The following HEPH variants were observed in gnomAD, a reference collection of about 807,000 sequenced individuals.
The protein encoded by HEPH is hephaestin.
Under a neutral mutation model 80.8 loss-of-function variants are expected in HEPH, and 69 were observed. That is an observed-to-expected ratio of 0.85 (90% CI 0.70 to 1.04). HEPH has a LOEUF of 1.04. HEPH is among the 50% of genes least tolerant of loss of function. The pLI is 0.00. For synonymous variants in HEPH, 431 were observed against 322.8 expected, an observed-to-expected ratio of 1.34 and a Z score of -3.60; for missense variants, 1,115 against 891.3, an observed-to-expected ratio of 1.25 and a Z score of -3.20.
intron 19 of HEPH, among the ~76,000 whole-genome samples, 171 bp downstream of exon 19, chrX:66,260,433 C>A (rs2091323864): frequency 9.0e-6 from 1 of 111,185 alleles, no homozygotes; most frequent in South Asian, 3.8e-4. Flanking sequence ...ATTTCTAATC[C>A]TCCATTGCAC....
At chrX:66,165,659 G>A (rs1442912562) in intron 1 of HEPH, among the ~76,000 whole-genome samples, 1 of 111,493 alleles carries the variant, frequency 9.0e-6, no homozygotes, top group Non-Finnish European at 1.9e-5. Flanking sequence ...GTAAGGTAAA[G>A]GTAAGGGAGG....
chrX:66,209,500 G>C (rs1248860251), intron 15 of HEPH, among the ~76,000 whole-genome samples: 1 of 111,982 alleles, frequency 8.9e-6, no homozygotes, highest in Non-Finnish European at 1.9e-5. Flanking sequence ...GGACATATGG[G>C]TGAAGGTAAA....
At chrX:66,254,964 C>A in intron 15 of HEPH, 71 bp from the exon 16 acceptor site, 5 of 641,046 alleles carry the variant, frequency 7.8e-6, no homozygotes, top group Non-Finnish European at 1.2e-5. Flanking sequence ...ACCACTGCCT[C>A]TTGGGGAGAC....
intron 15 of HEPH, among the ~76,000 whole-genome samples, chrX:66,240,441 G>A (rs2090524922): frequency 9.1e-6 from 1 of 109,525 alleles, no homozygotes; most frequent in Non-Finnish European, 1.9e-5. Flanking sequence ...AAATAAAATG[G>A]CTGATAATTT....
At chrX:66,231,708 T>G in intron 15 of HEPH, among the ~76,000 whole-genome samples, 1 of 109,354 alleles carries the variant, frequency 9.1e-6, no homozygotes, top group Non-Finnish European at 1.9e-5. Context: ...AGATATACAA[T>G]CATGTCTTCT....
intron 17 of HEPH, 30 bp from the exon 18 acceptor site, chrX:66,258,810 C>A: frequency 9.2e-7 from 1 of 1,092,058 alleles, no homozygotes; most frequent in Non-Finnish European, 1.2e-6. Context: ...TTTTTCTTTT[C>A]TTTTCTTTTC....
chrX:66,227,488 CTGTT>C (rs1425705145), intron 15 of HEPH, among the ~76,000 whole-genome samples: 2 of 111,598 alleles, frequency 1.8e-5, no homozygotes, highest in Non-Finnish European at 3.8e-5. Flanking sequence ...CAAACTGTCA[CTGTT>C]TGCTGATGAC....
rs183738734 is a variant in HEPH, at chrX:66,167,998, G to A, written c.-13-2560G>A. The stretch of plus-strand genomic sequence containing the variant: ...TCTACTTGGCCTCCATCGCCATGTC[G>A]TAATAGATACACAGCGACCTCTAAA... On this transcript the variant is annotated intron_variant, in intron 1 of 20. Coordinates refer to ENST00000343002, the MANE Select transcript of HEPH (RefSeq NM_001367233.3). 2.0e-3 allele frequency among the ~76,000 whole-genome samples: 228 copies of A among 111,866 alleles called. 1 individual carries two copies. The highest frequency in any genetic ancestry group is 6.8e-3 in the African/African-American group (210 of 30,788).
rs184481739 is a variant in HEPH at position 66,180,516 on chromosome X, G to A, written c.625+6715G>A. 6.9e-3 allele frequency among the ~76,000 whole-genome samples: 753 copies of A among 109,565 alleles called. 6 individuals are homozygous for A. The highest frequency in any genetic ancestry group is 0.014 in the Middle Eastern group (3 of 209). On this transcript the variant is annotated intron_variant, in intron 4 of 20. Coordinates refer to ENST00000343002, the MANE Select transcript of HEPH (RefSeq NM_001367233.3). Reference sequence around the variant, plus strand: ...GGTTTTCCTTTATAGGTGACCTGGTGTTTTTGTCTCACAGCTCTTAAGATT... The same window carrying A: ...GGTTTTCCTTTATAGGTGACCTGGTATTTTTGTCTCACAGCTCTTAAGATT...
intron 15 of HEPH, among the ~76,000 whole-genome samples, chrX:66,225,998 G>T (rs1364377048): frequency 8.9e-6 from 1 of 111,819 alleles, no homozygotes; most frequent in Non-Finnish European, 1.9e-5. Context: ...CTTTAAGGGG[G>T]TCTGTGTGAG....
chrX:66,164,485 C>A lies in HEPH; in HGVS notation c.-14+15C>A. On this transcript the variant is annotated intron_variant, in intron 1 of 20. Transcript: ENST00000343002. ...CTCTAGCAAAGGTAAGCTTTCTTTT[C>A]TCTCTTTTCAAACTCTACCTCACCT... 2 of 752,919 alleles carry A rather than the reference C, an allele frequency of 2.7e-6. No individual in the cohort carries two copies. The highest frequency in any genetic ancestry group is 3.1e-6 in the Non-Finnish European group (2 of 638,139). 62.0% of individuals were successfully genotyped at this position (752,919 alleles called of 1,213,427 possible).
intron 15 of HEPH, among the ~76,000 whole-genome samples, chrX:66,208,550 TGG>T (rs2088922110): frequency 1.0e-5 from 1 of 98,404 alleles, no homozygotes; most frequent in Non-Finnish European, 2.0e-5. Context: ...ACCCAGGAGG[TGG>T]AGGCTGCAGT....
chrX:66,216,765 G>T (rs1410632929), intron 15 of HEPH, among the ~76,000 whole-genome samples: 3 of 111,876 alleles, frequency 2.7e-5, no homozygotes, highest in Non-Finnish European at 5.6e-5. Flanking sequence ...AGACTATTAA[G>T]CTAATCAAGG....
At position 66,164,298 on chromosome X, in the gene HEPH, C is replaced by G; in HGVS notation, c.-186C>G. 1 of 753,224 alleles carries G rather than the reference C, an allele frequency of 1.3e-6. No homozygotes were observed. The highest frequency in any genetic ancestry group is 1.6e-6 in the Non-Finnish European group (1 of 638,435). The allele number at this position is 753,224 out of a possible 1,213,427, so 62.1% of individuals were successfully genotyped here. A position where few individuals can be genotyped will look rare whatever the true frequency, so the allele number is the denominator to read the frequency against. On this transcript the variant is annotated 5_prime_UTR_variant, in exon 1 of 21. Coordinates refer to ENST00000343002, the MANE Select transcript of HEPH (RefSeq NM_001367233.3). ...GAGGGCACCCAGCCCTTCCCCCTCC[C>G]TCATCCTCCCATCCCAGTAAACCCT...
chrX:66,232,866 A>G (rs768354822), intron 15 of HEPH, among the ~76,000 whole-genome samples: 100 of 110,603 alleles, frequency 9.0e-4, no homozygotes, highest in African/African-American at 3.2e-3. Context: ...GAAAAATTAT[A>G]CCCTTTGAAA....
chrX:66,179,429 G>A (rs1048884121), intron 4 of HEPH, among the ~76,000 whole-genome samples: 2 of 111,721 alleles, frequency 1.8e-5, no homozygotes, highest in African/African-American at 6.5e-5. Context: ...GGCAATGCGG[G>A]CTCTTTTTTG....
intron 4 of HEPH, among the ~76,000 whole-genome samples, chrX:66,184,436 G>T (rs2087319748): frequency 2.6e-4 from 1 of 3,841 alleles, no homozygotes. Flanking sequence ...TTGTTGAATT[G>T]ATCCCTTTAC....
At chrX:66,198,575 G>C (rs761522697) in intron 10 of HEPH, among the ~76,000 whole-genome samples, 2 of 110,016 alleles carry the variant, frequency 1.8e-5, no homozygotes, top group Non-Finnish European at 3.8e-5. Flanking sequence ...CCTCTCCCCA[G>C]GTGATTACCA....
chrX:66,244,603 C>T (rs898212146), intron 15 of HEPH, among the ~76,000 whole-genome samples: 6 of 111,440 alleles, frequency 5.4e-5, no homozygotes, highest in Middle Eastern at 4.6e-3. Context: ...TCTACTTTCT[C>T]CTGAATGTTG....
Sources: gnomAD v4.1 joint callset for allele counts (sites outside exome capture counted in the v4.1 genomes callset) on GRCh38, gnomAD v4.1.1 for gene constraint, MANE v1.5 for transcripts, NCBI Gene and HGNC (gene_info 2026-07-23, HGNC 2026-07-21) for gene names.